Variants in PLG observed in about 807,000 individuals in gnomAD.
PLG encodes the protein plasminogen.
A neutral mutation model predicts 104.4 loss-of-function variants in PLG; 41 were observed. That is an observed-to-expected ratio of 0.39 (90% confidence interval 0.31 to 0.51). The LOEUF (loss-of-function observed/expected upper bound fraction) is 0.51. PLG is among the 20% of genes least tolerant of loss of function. The pLI, the probability that PLG is intolerant of heterozygous loss-of-function variation, is 0.76. For missense variants in PLG, 891 were observed against 1,003.6 expected, an observed-to-expected ratio of 0.89 and a Z score of 1.52; for synonymous variants, 337 against 357.1, an observed-to-expected ratio of 0.94 and a Z score of 0.63.
At position 160,714,827 on chromosome 6, in the gene PLG, A is replaced by T. The variant is rs150072546; in HGVS notation, c.581A>T (p.Asp194Val). ...ATGCATTGCAGTGGAGAAAACTATG[A>T]CGGCAAAATTTCCAAGACCATGTCT... Reference protein sequence around the residue: ...ECMHCSGENYDGKISKTMSGL... With the variant: ...ECMHCSGENYVGKISKTMSGL... Residue 194 changes from aspartate (D) to valine (V), a missense_variant, in exon 6 of 19, where the codon GAC (aspartate) becomes GTC (valine). Around this residue, in one of 2 missense-constraint regions of PLG, gnomAD observed 854 missense variants for 932.1 expected, o/e 0.92. Coordinates refer to ENST00000308192, the MANE Select transcript of PLG (RefSeq NM_000301.5). 2.3e-4 allele frequency: 373 copies of T among 1,613,796 alleles called. 1 individual carries two copies. In the East Asian group the frequency reaches 7.0e-3, roughly 30 times the overall value.
intron 5 of PLG, 116 bp downstream of exon 5, chr6:160,713,241 C>T (rs4252096): frequency 1.9e-5 from 17 of 882,572 alleles, no homozygotes; most frequent in East Asian, 4.9e-5. Flanking sequence ...ATTCACCTCT[C>T]GGAAAGAAGC....
rs775647219 is a variant in PLG, at chr6:160,718,363, A to G, written c.857A>G (p.Asn286Ser). ...GGAACAGGTGAAAACTATCGCGGGA[A>G]TGTGGCTGTTACCGTGTCCGGGCAC... The part of the protein sequence containing the change: ...LKGTGENYRG[N>S]VAVTVSGHTC... The change falls in exon 8 of 19, where the codon AAT becomes AGT. Residue 286 changes from asparagine to serine, a missense_variant. Transcript: ENST00000308192. The G allele has an allele frequency of 2.5e-6, 4 of 1,613,782 alleles. No individual in the cohort carries two copies. The Admixed American group carries it at 6.7e-5, about 27-fold the overall frequency.
rs1778057215 is a variant in PLG, at chr6:160,734,738, T to G, written c.1681+650T>G. On this transcript the variant is annotated intron_variant, in intron 13 of 18. Coordinates refer to ENST00000308192, the MANE Select transcript of PLG (RefSeq NM_000301.5). The surrounding 1 kb of genome is among the most constrained non-coding windows in gnomAD (Gnocchi z 4.4). ...AGAATTGGAATAACAAATCCATGGG[T>G]ATTTCTGAAAAAAAAAAAAAAAAAA... is the stretch of plus-strand genomic sequence containing the variant. 7.4e-6 allele frequency among the ~76,000 whole-genome samples: 1 copy of G among 134,282 alleles called. No homozygotes were observed. The highest frequency in any genetic ancestry group is 3.0e-5 in the African/African-American group (1 of 32,898). 88.1% of individuals were successfully genotyped at this position (134,282 alleles called of 152,430 possible). A position where few individuals can be genotyped will look rare whatever the true frequency, so the allele number is the denominator to read the frequency against.
At position 160,715,731 on chromosome 6, in the gene PLG, A is replaced by C. The variant is rs148248501; in HGVS notation, c.668+817A>C. 5.9e-3 allele frequency among the ~76,000 whole-genome samples: 897 copies of C among 152,310 alleles called. 15 individuals are homozygous for C. The highest frequency in any genetic ancestry group is 0.044 in the Middle Eastern group (13 of 294). On this transcript the variant is annotated intron_variant, in intron 6 of 18. Coordinates refer to ENST00000308192, the MANE Select transcript of PLG (RefSeq NM_000301.5). Reference sequence around the variant, plus strand: ...GCTCTATTGAATTTGTACACCTCCCATTCCAAATAGCTAGCTTAAAACACA... The same window carrying C: ...GCTCTATTGAATTTGTACACCTCCCCTTCCAAATAGCTAGCTTAAAACACA...
At chr6:160,727,159 A>C (rs1777933182) in intron 10 of PLG, among the ~76,000 whole-genome samples, 1 of 151,942 alleles carries the variant, frequency 6.6e-6, no homozygotes, top group African/African-American at 2.4e-5. Context: ...ACTTTACGTT[A>C]ACAAATTCAA....
At position 160,751,243 on chromosome 6, in the gene PLG, G is replaced by GTTT. The variant is rs1272198794; in HGVS notation, c.2126-872_2126-871insTTT. On this transcript the variant is annotated intron_variant, in intron 17 of 18. Transcript: ENST00000308192. ...AATAAGAATGAACTTTATGAACAAA[G>GTTT]ATGTGGAAAGCTGGAAGCAAGAGTG... is the stretch of plus-strand genomic sequence containing the variant. 9.5e-3 allele frequency among the ~76,000 whole-genome samples: 1,454 copies of GTTT among 152,298 alleles called. 22 individuals are homozygous for GTTT. The highest frequency in any genetic ancestry group is 0.041 in the Middle Eastern group (12 of 292).
At chr6:160,727,976 G>A (rs1159736260) in intron 10 of PLG, among the ~76,000 whole-genome samples, 1 of 151,812 alleles carries the variant, frequency 6.6e-6, no homozygotes, top group African/African-American at 2.4e-5. Context: ...AAAAAGGAAG[G>A]AAAGAAAGAA....
rs887334599 is a variant in PLG, at chr6:160,740,187, G to A, written c.2018+979G>A. Among the ~76,000 whole-genome samples, 1 of 152,196 alleles carries A rather than the reference G, an allele frequency of 6.6e-6. No individual in the cohort carries two copies. The highest frequency in any genetic ancestry group is 1.5e-5 in the Non-Finnish European group (1 of 68,036). ...CACAAGCCCAGGGCAGCTTCTCTGG[G>A]TCTGTGAACTGAGGGGTGATGTCCT... On this transcript the variant is annotated intron_variant, in intron 16 of 18. Transcript: ENST00000308192. The surrounding 1 kb of genome is among the most constrained non-coding windows in gnomAD (Gnocchi z 5.2).
At position 160,736,901 on chromosome 6, in the gene PLG, G is replaced by C. The variant is rs569278081; in HGVS notation, c.1696G>C (p.Asp566His). 1 of 1,613,956 alleles carries C rather than the reference G, an allele frequency of 6.2e-7. No homozygotes were observed. The highest frequency in any genetic ancestry group is 1.7e-5 in the Admixed American group (1 of 60,026). ...TTGTGCCACAGCGGCCCCTTCATTT[G>C]ATTGTGGGAAGCCTCAAGTGGAGCC... is the stretch of plus-strand genomic sequence containing the variant. ...DVPQCAAPSFDCGKPQVEPKK... is the reference protein window; with the variant it reads ...DVPQCAAPSFHCGKPQVEPKK... Residue 566 changes from aspartate (D) to histidine (H), a missense_variant, in exon 14 of 19, where the codon GAT (aspartate) becomes CAT (histidine). Physicochemically the swap from Asp to His is moderately conservative, Grantham distance 81 (BLOSUM62 -1). This residue lies in a region of PLG where 854 missense variants were observed against 932.1 expected (regional missense o/e 0.92). Coordinates refer to ENST00000308192, the MANE Select transcript of PLG (RefSeq NM_000301.5). This position sits in a 1 kb window ranked among gnomAD's most constrained non-coding sequence, Gnocchi z 5.2.
At position 160,738,679 on chromosome 6, in the gene PLG, TTTCCTCCTTTCCTTTCTCACTC is replaced by T; in HGVS notation, c.1877+75_1877+96del. Reference sequence around the variant, plus strand: ...ACTTTTTCTGTCCTTCTTTTCCTCCTTTCCTCCTTTCCTTTCTCACTCTTCCTCCCTTCCTTCTCTGGCTGTG... The same window carrying T: ...ACTTTTTCTGTCCTTCTTTTCCTCCTTTCCTCCCTTCCTTCTCTGGCTGTG... On this transcript the variant is annotated intron_variant, in intron 15 of 18. Transcript: ENST00000308192. This position sits in a 1 kb window ranked among gnomAD's most constrained non-coding sequence, Gnocchi z 6.8. 1 of 1,036,338 alleles carries T rather than the reference TTTCCTCCTTTCCTTTCTCACTC, an allele frequency of 9.6e-7. No individual in the cohort carries two copies. The highest frequency in any genetic ancestry group is 1.7e-5 in the Admixed American group (1 of 59,106). 64.2% of individuals were successfully genotyped at this position (1,036,338 alleles called of 1,614,324 possible).
In PLG at chr6:160,718,732, A is replaced by G. The variant is rs1239545782; in HGVS notation, c.990A>G (p.Lys330=). 1 of 1,613,806 alleles carries G rather than the reference A, an allele frequency of 6.2e-7. No individual in the cohort carries two copies. The highest frequency in any genetic ancestry group is 1.3e-5 in the African/African-American group (1 of 74,880). Residue 330 remains lysine (K), a synonymous_variant, in exon 9 of 19, where the codon AAA becomes AAG. Coordinates refer to ENST00000308192, the MANE Select transcript of PLG (RefSeq NM_000301.5). ...DENYCRNPDG[K]RAPWCHTTNS... is the part of the protein sequence containing the mutation. ...ACTACTGCCGCAATCCTGACGGAAAAAGGGCCCCATGGTGCCATACAACCA... is the reference window on the plus strand; with the variant it reads ...ACTACTGCCGCAATCCTGACGGAAAGAGGGCCCCATGGTGCCATACAACCA...
At chr6:160,733,708 G>C (rs572975358) in intron 12 of PLG, among the ~76,000 whole-genome samples, 32 of 151,924 alleles carry the variant, frequency 2.1e-4, no homozygotes, top group African/African-American at 5.1e-4. Flanking sequence ...GCCAGGTGTG[G>C]TGGCGTGCAC....
At position 160,739,880 on chromosome 6, in the gene PLG, T is replaced by A. The variant is rs1170561895; in HGVS notation, c.2018+672T>A. 6.6e-6 allele frequency among the ~76,000 whole-genome samples: 1 copy of A among 152,120 alleles called. No individual in the cohort carries two copies. Among genetic ancestry groups the A allele is most frequent in the African/African-American group, 2.4e-5 (1 of 41,444 alleles). On this transcript the variant is annotated intron_variant, in intron 16 of 18. Coordinates refer to ENST00000308192, the MANE Select transcript of PLG (RefSeq NM_000301.5). The surrounding 1 kb of genome is among the most constrained non-coding windows in gnomAD (Gnocchi z 4.4). Reference sequence around the variant, plus strand: ...ATATTATTATTATTGTCTTCTTTGATTTGATTTTCTCTTTCCTGTTGAAAT... The same window carrying A: ...ATATTATTATTATTGTCTTCTTTGAATTGATTTTCTCTTTCCTGTTGAAAT...
chr6:160,717,157 T>C (rs1399117585), intron 7 of PLG, among the ~76,000 whole-genome samples: 1 of 151,818 alleles, frequency 6.6e-6, no homozygotes, highest in African/African-American at 2.4e-5. Flanking sequence ...TTGTTTACAA[T>C]GTTCAGGTCT....
rs1318351600 is a variant in PLG, at chr6:160,741,511, T to C, written c.2125+94T>C. ...TTTTGGAGAAAGCTGTGCAAATTCC[T>C]ATCCATGAATGTGGTCCACCCCACT... On this transcript the variant is annotated intron_variant, in intron 17 of 18. Transcript: ENST00000308192. This position sits in a 1 kb window ranked among gnomAD's most constrained non-coding sequence, Gnocchi z 4.7. 4.8e-6 allele frequency: 4 copies of C among 841,496 alleles called. No individual in the cohort carries two copies. The highest frequency in any genetic ancestry group is 8.1e-6 in the Non-Finnish European group (4 of 494,078). 52.1% of individuals were successfully genotyped at this position (841,496 alleles called of 1,614,324 possible). A position where few individuals can be genotyped will look rare whatever the true frequency, so the allele number is the denominator to read the frequency against.
At chr6:160,743,011 CTTTT>C (rs3028193) in intron 17 of PLG, among the ~76,000 whole-genome samples, 55,249 of 140,568 alleles carry the variant, frequency 0.39, 10,793 homozygotes, top group East Asian at 0.56. Flanking sequence ...GTCTACGTGT[CTTTT>C]TTTTTTTTTT....
chr6:160,718,470 G>GCAAGTAA lies in PLG; in HGVS notation c.950+14_950+15insCAAGTAA, dbSNP rs1562374822. The GCAAGTAA allele has an allele frequency of 5.0e-6, 8 of 1,597,482 alleles. No individual in the cohort carries two copies. Among genetic ancestry groups the GCAAGTAA allele is most frequent in the Middle Eastern group, 1.7e-4 (1 of 6,058 alleles). On this transcript the variant is annotated intron_variant, in intron 8 of 18. Coordinates refer to ENST00000308192, the MANE Select transcript of PLG (RefSeq NM_000301.5). ...CTTCCCCTGCAAGTAAGTCCCCTCC[G>GCAAGTAA]GTCTCATTCTGCTGCTATGGAATGT...
rs761360146 is a variant in PLG at position 160,740,308 on chromosome 6, C to T, written c.2019-1003C>T. ...CCCTCCTGCTCCCCAGTGTCCTCCC[C>T]GCCATCCCAGCAAATGTGCAAATAG... On this transcript the variant is annotated intron_variant, in intron 16 of 18. Transcript: ENST00000308192. The surrounding 1 kb of genome is among the most constrained non-coding windows in gnomAD (Gnocchi z 5.2). Among the ~76,000 whole-genome samples, 10 of 152,318 alleles carry T rather than the reference C, an allele frequency of 6.6e-5. No individual in the cohort carries two copies. The highest frequency in any genetic ancestry group is 1.2e-4 in the Non-Finnish European group (8 of 68,010).
At position 160,707,888 on chromosome 6, in the gene PLG, A is replaced by G. The variant is rs529555709; in HGVS notation, c.292+82A>G. 16 of 1,114,284 alleles carry G rather than the reference A, an allele frequency of 1.4e-5. No individual in the cohort carries two copies. In the African/African-American group the frequency reaches 2.1e-4, roughly 15 times the overall value. 69.0% of individuals were successfully genotyped at this position (1,114,284 alleles called of 1,614,324 possible). A position where few individuals can be genotyped will look rare whatever the true frequency, so the allele number is the denominator to read the frequency against. On this transcript the variant is annotated intron_variant, in intron 3 of 18. Transcript: ENST00000308192. ...TCTTTCTCTATTCTATCTTTAATTT[A>G]TAAGACCAGAGGAGGAAGGCACTAT...
Sources: allele counts gnomAD v4.1 joint callset (sites outside exome capture counted in the v4.1 genomes callset), GRCh38; gene constraint gnomAD v4.1.1; regional missense constraint gnomAD v4.1.1; non-coding constraint Gnocchi (gnomAD v3.1); transcripts MANE v1.5; gene names NCBI Gene and HGNC (gene_info 2026-07-23, HGNC 2026-07-21).